Variants in AGBL4 observed in about 807,000 individuals in gnomAD.
The protein encoded by AGBL4 is AGBL carboxypeptidase 4.
Under a neutral mutation model 66.4 loss-of-function variants are expected in AGBL4, and 58 were observed. The observed-to-expected ratio is 0.87, with a 90% CI of 0.71 to 1.09. The LOEUF is 1.09. Among genes scored for constraint, AGBL4 ranks in the 50% least tolerant of loss-of-function variants. AGBL4 has a pLI of 0.00. For synonymous variants in AGBL4, 234 were observed against 222.9 expected, an observed-to-expected ratio of 1.05 and a Z score of -0.44; for missense variants, 579 against 631.0, an observed-to-expected ratio of 0.92 and a Z score of 0.88.
intron 1 of AGBL4, among the ~76,000 whole-genome samples, chr1:50,012,904 A>G (rs1325335201): frequency 6.6e-6 from 1 of 152,222 alleles, no homozygotes; most frequent in Non-Finnish European, 1.5e-5. Flanking sequence ...GGATGTACAA[A>G]TAATAAAAGG....
chr1:49,752,941 T>G (rs1651592143), intron 2 of AGBL4, among the ~76,000 whole-genome samples: 1 of 152,230 alleles, frequency 6.6e-6, no homozygotes, highest in African/African-American at 2.4e-5. Context: ...CCACATCCCT[T>G]TATTTTGAGC....
At chr1:48,689,219 A>AAAAGAAAAGAAAAG (rs1553207684) in intron 6 of AGBL4, among the ~76,000 whole-genome samples, 2 of 141,512 alleles carry the variant, frequency 1.4e-5, no homozygotes, top group South Asian at 4.3e-4. Context: ...AAAAAAAAAA[A>AAAAGAAAAGAAAAG]AAAAGAAAAG....
At chr1:49,081,891 T>G (rs1406398685) in intron 4 of AGBL4, among the ~76,000 whole-genome samples, 1 of 152,184 alleles carries the variant, frequency 6.6e-6, no homozygotes, top group African/African-American at 2.4e-5. Flanking sequence ...AGTAATGACC[T>G]TTTCCACGTG....
rs371434172 is a variant in AGBL4, at chr1:49,788,478, T to C, written c.157+62918A>G. The stretch of plus-strand genomic sequence containing the variant: ...ACCGAGATGGCCCAGATTTGGGCTT[T>C]TGGAAACAAAGAGCATATTATAAAT... On this transcript the variant is annotated intron_variant, in intron 2 of 13. Transcript: ENST00000371839. Among the ~76,000 whole-genome samples, 15 of 149,848 alleles carry C rather than the reference T, an allele frequency of 1.0e-4. No individual in the cohort carries two copies. The East Asian group carries it at 2.2e-3, about 22-fold the overall frequency.
intron 1 of AGBL4, among the ~76,000 whole-genome samples, chr1:49,970,706 AAAAC>A (rs1316400938): frequency 4.6e-5 from 4 of 87,056 alleles, no homozygotes; most frequent in African/African-American, 1.5e-4. Flanking sequence ...AAAAAAAAAC[AAAAC>A]ACACACACAC....
At chr1:49,944,355 T>A (rs1487505954) in intron 1 of AGBL4, among the ~76,000 whole-genome samples, 6 of 152,028 alleles carry the variant, frequency 3.9e-5, no homozygotes, top group African/African-American at 1.4e-4. Flanking sequence ...TAAGAGAACC[T>A]CAGATGTTTC....
intron 3 of AGBL4, among the ~76,000 whole-genome samples, chr1:49,324,154 A>G (rs1449527558): frequency 1.3e-5 from 2 of 152,252 alleles, no homozygotes; most frequent in African/African-American, 4.8e-5. Context: ...TTTAAGAAAG[A>G]TATCTATCTG....
chr1:48,816,469 G>A (rs1417714130), intron 6 of AGBL4, among the ~76,000 whole-genome samples: 3 of 152,078 alleles, frequency 2.0e-5, no homozygotes, highest in African/African-American at 7.2e-5. Context: ...ATAAGGAATA[G>A]GTATATGTTG....
At chr1:49,766,423 G>C (rs1652736191) in intron 2 of AGBL4, among the ~76,000 whole-genome samples, 1 of 152,042 alleles carries the variant, frequency 6.6e-6, no homozygotes, top group Non-Finnish European at 1.5e-5. Context: ...AGCCTTACAA[G>C]AGAACCTAAA....
chr1:48,643,613 A>G (rs369074736), intron 8 of AGBL4, among the ~76,000 whole-genome samples: 1 of 152,346 alleles, frequency 6.6e-6, no homozygotes, highest in African/African-American at 2.4e-5. Flanking sequence ...TACAAGACCT[A>G]TCTCGTAGGT....
chr1:48,764,546 G>T (rs1453261076), intron 6 of AGBL4, among the ~76,000 whole-genome samples: 1 of 152,178 alleles, frequency 6.6e-6, no homozygotes, highest in Non-Finnish European at 1.5e-5. Context: ...AAGCAGGAGG[G>T]AGAGGTGAGA....
chr1:48,818,358 A>G lies in AGBL4; in HGVS notation c.634+48833T>C, dbSNP rs1353586501. Reference sequence around the variant, plus strand: ...TGCCTTAATTGGGAGCCATACATGAAACATTGCACTAAGTGACTCTTAGGG... The same window carrying G: ...TGCCTTAATTGGGAGCCATACATGAGACATTGCACTAAGTGACTCTTAGGG... On this transcript the variant is annotated intron_variant, in intron 6 of 13. Coordinates refer to ENST00000371839, the MANE Select transcript of AGBL4 (RefSeq NM_032785.4). The G allele has an allele frequency of 4.4e-6, 3 of 687,234 alleles. No individual in the cohort carries two copies. The African/African-American group carries it at 5.3e-5, about 12-fold the overall frequency. The allele number at this position is 687,234 out of a possible 1,614,324, so 42.6% of individuals were successfully genotyped here. A position where few individuals can be genotyped will look rare whatever the true frequency, so the allele number is the denominator to read the frequency against.
intron 3 of AGBL4, among the ~76,000 whole-genome samples, chr1:49,665,526 T>A (rs1322572221): frequency 6.6e-6 from 1 of 152,146 alleles, no homozygotes; most frequent in Non-Finnish European, 1.5e-5. Flanking sequence ...TGGCATATGG[T>A]AAGCACTTAC....
chr1:49,925,224 C>A (rs1652645876), intron 1 of AGBL4, among the ~76,000 whole-genome samples: 1 of 152,142 alleles, frequency 6.6e-6, no homozygotes, highest in Admixed American at 6.5e-5. Context: ...GGGCACCTGG[C>A]AGAGTCACGG....
At chr1:49,874,180 T>G (rs1219755769) in intron 1 of AGBL4, among the ~76,000 whole-genome samples, 1 of 152,124 alleles carries the variant, frequency 6.6e-6, no homozygotes, top group Non-Finnish European at 1.5e-5. Context: ...AAAATGAACC[T>G]TATCCTGTCC....
At chr1:49,916,714 C>T (rs981379127) in intron 1 of AGBL4, among the ~76,000 whole-genome samples, 1 of 152,062 alleles carries the variant, frequency 6.6e-6, no homozygotes, top group Non-Finnish European at 1.5e-5. Context: ...CCAACATTCA[C>T]ATTCAGGAAA....
intron 4 of AGBL4, among the ~76,000 whole-genome samples, chr1:49,052,848 G>A (rs933353741): frequency 6.6e-6 from 1 of 152,194 alleles, no homozygotes; most frequent in African/African-American, 2.4e-5. Context: ...TGAATGAACA[G>A]ATAGGGCTAC....
intron 4 of AGBL4, among the ~76,000 whole-genome samples, chr1:49,117,161 C>T (rs1279842629): frequency 3.6e-4 from 54 of 151,728 alleles, no homozygotes; most frequent in Non-Finnish European, 3.4e-4. Flanking sequence ...TTCTCCCATT[C>T]TGTAGGTTGC....
chr1:49,537,926 C>CAA (rs555519458), intron 3 of AGBL4, among the ~76,000 whole-genome samples: 1 of 88,882 alleles, frequency 1.1e-5, no homozygotes. Context: ...GACTCCATCT[C>CAA]AAAAAAAAAA....
Sources: gnomAD v4.1 joint callset for allele counts (sites outside exome capture counted in the v4.1 genomes callset) on GRCh38, gnomAD v4.1.1 for gene constraint, MANE v1.5 for transcripts, NCBI Gene and HGNC (gene_info 2026-07-23, HGNC 2026-07-21) for gene names.